The following CDS1 variants were observed in gnomAD, a reference collection of about 807,000 sequenced individuals.
CDS1 encodes CDP-diacylglycerol synthase 1, also known as phosphatidate cytidylyltransferase 1.
A neutral mutation model predicts 62.1 loss-of-function variants in CDS1; 41 were observed. The observed-to-expected ratio is 0.66, with a 90% CI of 0.51 to 0.86. The LOEUF (loss-of-function observed/expected upper bound fraction) is 0.86, where lower values mean the gene tolerates loss of function less well. Ranked by LOEUF, CDS1 falls within the 40% of genes least tolerant of loss-of-function variation. The pLI, the probability that CDS1 is intolerant of heterozygous loss-of-function variation, is 0.00. For synonymous variants in CDS1, 185 were observed against 192.6 expected, an observed-to-expected ratio of 0.96 and a Z score of 0.32; for missense variants, 470 against 550.1, an observed-to-expected ratio of 0.85 and a Z score of 1.46.
chr4:84,632,853 A>T (rs1483996639), intron 6 of CDS1, among the ~76,000 whole-genome samples: 1 of 152,246 alleles, frequency 6.6e-6, no homozygotes, highest in Non-Finnish European at 1.5e-5. Flanking sequence ...CCAAGCGCCG[A>T]TGGCTCATGC....
intron 2 of CDS1, among the ~76,000 whole-genome samples, chr4:84,608,740 G>T (rs181170309): frequency 5.0e-4 from 76 of 151,814 alleles, no homozygotes; most frequent in African/African-American, 1.8e-3. Flanking sequence ...ATCCTAATTG[G>T]GCATCATCTC....
Position 84,635,213 on chromosome 4 carries a change from TACTC to T in CDS1, c.723-49_723-46del, listed in dbSNP as rs1560481199. 4 of 880,164 alleles carry T rather than the reference TACTC, an allele frequency of 4.5e-6. No individual in the cohort carries two copies. The African/African-American group carries it at 5.1e-5, about 11-fold the overall frequency. The allele number at this position is 880,164 out of a possible 1,614,324, so 54.5% of individuals were successfully genotyped here. On this transcript the variant is annotated intron_variant, in intron 7 of 12. Transcript: ENST00000295887. Reference sequence around the variant, plus strand: ...ATAACCTTTCCGAATATCTGCCACTTACTCAGGTGAACTTTTTTCTGCTGACTTT... The same window carrying T: ...ATAACCTTTCCGAATATCTGCCACTTAGGTGAACTTTTTTCTGCTGACTTT...
intron 1 of CDS1, among the ~76,000 whole-genome samples, chr4:84,598,955 C>G (rs1722837537): frequency 6.6e-6 from 1 of 152,196 alleles, no homozygotes; most frequent in African/African-American, 2.4e-5. Context: ...CCTCAGTTCT[C>G]TTTCCTGGAC....
intron 1 of CDS1, among the ~76,000 whole-genome samples, chr4:84,597,745 A>T (rs1279971012): frequency 6.6e-6 from 1 of 152,190 alleles, no homozygotes; most frequent in Non-Finnish European, 1.5e-5. Context: ...AAATCAGTTT[A>T]GTCCTTCTCC....
In CDS1 at chr4:84,640,898, G is replaced by T; in HGVS notation, c.940G>T (p.Val314Leu). The T allele has an allele frequency of 4.3e-6, 7 of 1,611,522 alleles. No homozygotes were observed. The highest frequency in any genetic ancestry group is 5.9e-6 in the Non-Finnish European group (7 of 1,178,876). Reference protein sequence around the residue: ...FVCPVEYRSDVNSFVTECEPS... With the variant: ...FVCPVEYRSDLNSFVTECEPS... Reference sequence around the variant, plus strand: ...CTGCCCAGTGGAATACCGAAGTGATGTAAACTCCTTCGTGACAGAATGTGA... The same window carrying T: ...CTGCCCAGTGGAATACCGAAGTGATTTAAACTCCTTCGTGACAGAATGTGA... The change falls in exon 10 of 13, where the codon GTA (valine) becomes TTA (leucine). Residue 314 changes from valine to leucine, a missense_variant. Physicochemically the swap from Val to Leu is conservative, Grantham distance 32 (BLOSUM62 1). Coordinates refer to ENST00000295887, the MANE Select transcript of CDS1 (RefSeq NM_001263.4).
chr4:84,643,253 T>C (rs1724447130), intron 11 of CDS1, 110 bp downstream of exon 11: 12 of 958,124 alleles, frequency 1.3e-5, no homozygotes, highest in Non-Finnish European at 1.7e-5. Context: ...GCCACAACTT[T>C]TATATCCTAT....
intron 1 of CDS1, among the ~76,000 whole-genome samples, chr4:84,588,210 T>A (rs1207840663): frequency 4.6e-5 from 7 of 152,284 alleles, no homozygotes; most frequent in African/African-American, 1.7e-4. Flanking sequence ...TCAGGTAAGA[T>A]CCCTGTGTGT....
At position 84,648,564 on chromosome 4, in the gene CDS1, A is replaced by G; in HGVS notation, c.1264A>G (p.Asn422Asp). Residue 422 changes from asparagine (N) to aspartate (D), a missense_variant, in exon 13 of 13, where the codon AAT becomes GAT. This residue lies in a region of CDS1 where 68 missense variants were observed against 81.5 expected (regional missense o/e 0.83). Transcript: ENST00000295887. ...TTTGCCTTTTATCATTAGGGGCCCA[A>G]ATCCCAGCAAAGTGCTACAGCAGTT... ...VYITSFIRGPNPSKVLQQLLV... is the reference protein window; with the variant it reads ...VYITSFIRGPDPSKVLQQLLV... 3.1e-6 allele frequency: 5 copies of G among 1,613,168 alleles called. No homozygotes were observed. Among genetic ancestry groups the G allele is most frequent in the Non-Finnish European group, 4.2e-6 (5 of 1,179,640 alleles).
chr4:84,635,624 TGCCTTCCTTCCTTCCTTCCTTCCTTCC>T (rs1724169714), intron 8 of CDS1, among the ~76,000 whole-genome samples: 1 of 108,350 alleles, frequency 9.2e-6, no homozygotes, highest in Non-Finnish European at 1.9e-5. Flanking sequence ...CCTGCCTGCC[TGCCTTCCTTCCTTCCTTCCTTCCTTCC>T]TTCCTTCCTT....
chr4:84,609,110 T>A (rs1302788326), intron 2 of CDS1, among the ~76,000 whole-genome samples: 1 of 136,514 alleles, frequency 7.3e-6, no homozygotes, highest in Non-Finnish European at 1.5e-5. Flanking sequence ...ACCCAGGAGG[T>A]GGAGCTTTCA....
intron 1 of CDS1, among the ~76,000 whole-genome samples, chr4:84,598,059 G>A (rs918255441): frequency 1.3e-5 from 2 of 150,988 alleles, no homozygotes; most frequent in Non-Finnish European, 2.9e-5. Flanking sequence ...CCGGGAGGCA[G>A]AGATTGCAGT....
intron 5 of CDS1, among the ~76,000 whole-genome samples, chr4:84,628,041 A>G (rs1188255584): frequency 6.6e-6 from 1 of 152,178 alleles, no homozygotes; most frequent in Admixed American, 6.5e-5. Context: ...CTTTTTCAGA[A>G]CAACTCAGTT....
intron 2 of CDS1, among the ~76,000 whole-genome samples, chr4:84,609,155 G>T (rs1204907731): frequency 1.3e-5 from 2 of 149,110 alleles, no homozygotes; most frequent in African/African-American, 2.5e-5. Context: ...CTCCAGCCTG[G>T]GTGCGACAGA....
At chr4:84,620,471 C>T (rs1005000472) in intron 5 of CDS1, among the ~76,000 whole-genome samples, 1 of 151,970 alleles carries the variant, frequency 6.6e-6, no homozygotes, top group Admixed American at 6.6e-5. Context: ...ATTCGCCTGC[C>T]TCAGCCTCCC....
At chr4:84,614,169 C>T (rs1402853932) in intron 3 of CDS1, among the ~76,000 whole-genome samples, 3 of 152,018 alleles carry the variant, frequency 2.0e-5, no homozygotes, top group Admixed American at 6.6e-5. Flanking sequence ...CTCAGCTATT[C>T]GAGAGGCTGA....
chr4:84,641,802 A>G (rs1314600806), intron 10 of CDS1, among the ~76,000 whole-genome samples: 3 of 152,204 alleles, frequency 2.0e-5, no homozygotes, highest in African/African-American at 7.2e-5. Flanking sequence ...AATAGCATGT[A>G]TGTCTGTATC....
intron 12 of CDS1, 89 bp downstream of exon 12, chr4:84,645,414 C>T (rs1724528488): frequency 1.3e-6 from 1 of 763,674 alleles, no homozygotes; most frequent in South Asian, 1.6e-5. Flanking sequence ...CTTTTTCCGT[C>T]AATGGTAATC....
chr4:84,589,129 C>A (rs1414915149), intron 1 of CDS1, among the ~76,000 whole-genome samples: 3 of 152,158 alleles, frequency 2.0e-5, no homozygotes, highest in African/African-American at 7.2e-5. Flanking sequence ...TTTACAGAAG[C>A]ATTACAAAGA....
intron 10 of CDS1, among the ~76,000 whole-genome samples, chr4:84,642,815 G>A (rs1181531866): frequency 6.6e-6 from 1 of 152,212 alleles, no homozygotes; most frequent in African/African-American, 2.4e-5. Context: ...TATTCTTACA[G>A]AGAGAAGGGA....
Sources: allele counts gnomAD v4.1 joint callset (sites outside exome capture counted in the v4.1 genomes callset), GRCh38; gene constraint gnomAD v4.1.1; regional missense constraint gnomAD v4.1.1; transcripts MANE v1.5; gene names NCBI Gene and HGNC (gene_info 2026-07-23, HGNC 2026-07-21).